Variants in AR observed in about 807,000 individuals in gnomAD.
AR encodes dihydrotestosterone receptor.
A neutral mutation model predicts 53.9 loss-of-function variants in AR; 8 were observed. The observed-to-expected ratio is 0.15, with a 90% CI of 0.09 to 0.27. The LOEUF (loss-of-function observed/expected upper bound fraction) is 0.27, where lower values mean the gene tolerates loss of function less well. Ranked by LOEUF, AR falls within the 10% of genes least tolerant of loss-of-function variation. The pLI, the probability that AR is intolerant of heterozygous loss-of-function variation, is 1.00. For missense variants in AR, 639 were observed against 742.5 expected, an observed-to-expected ratio of 0.86 and a Z score of 1.62; for synonymous variants, 359 against 316.4, an observed-to-expected ratio of 1.13 and a Z score of -1.43.
intron 3 of AR, among the ~76,000 whole-genome samples, chrX:67,689,057 G>A (rs1001938372): frequency 3.6e-5 from 4 of 111,083 alleles, no homozygotes; most frequent in Admixed American, 1.9e-4. Context: ...TGTGGCCTTG[G>A]GCAAGTCCCT....
At position 67,720,576 on chromosome X, in the gene AR, T is replaced by A. The variant is rs545012126; in HGVS notation, c.2319-1257T>A. 7.2e-5 allele frequency among the ~76,000 whole-genome samples: 8 copies of A among 111,821 alleles called. No individual in the cohort carries two copies. In the East Asian group the frequency reaches 2.0e-3, roughly 28 times the overall value. ...GAGCAACACTGTTCTGCTCAATTGA[T>A]TTGTGATACCATCTAAACACTTCCT... On this transcript the variant is annotated intron_variant, in intron 5 of 7. Transcript: ENST00000374690.
rs1196317826 is a variant in AR at position 67,729,104 on chromosome X, C to T, written c.*5263C>T. The T allele has an allele frequency of 5.7e-6, 1 of 175,947 alleles. No individual in the cohort carries two copies. Among genetic ancestry groups the T allele is most frequent in the East Asian group, 8.0e-5 (1 of 12,435 alleles). The allele number at this position is 175,947 out of a possible 1,213,427, so 14.5% of individuals were successfully genotyped here. A position where few individuals can be genotyped will look rare whatever the true frequency, so the allele number is the denominator to read the frequency against. ...GCTCTATCTTTCACACAAATTCCCTCACCTGAGATTGAGGTGCTCTTGTTA... is the reference window on the plus strand; with the variant it reads ...GCTCTATCTTTCACACAAATTCCCTTACCTGAGATTGAGGTGCTCTTGTTA... On this transcript the variant is annotated 3_prime_UTR_variant, in exon 8 of 8. Transcript: ENST00000374690.
chrX:67,650,928 A>C (rs1234691037), intron 2 of AR, among the ~76,000 whole-genome samples: 1 of 112,001 alleles, frequency 8.9e-6, no homozygotes, highest in African/African-American at 3.2e-5. Flanking sequence ...ATCCTCATGC[A>C]TTCAGTCAGT....
At chrX:67,623,487 A>G (rs1177974052) in intron 1 of AR, among the ~76,000 whole-genome samples, 1 of 111,863 alleles carries the variant, frequency 8.9e-6, no homozygotes, top group Admixed American at 9.5e-5. Context: ...GGATACAGCC[A>G]AGCTAAAGCA....
chrX:67,661,879 G>A (rs1382388509), intron 2 of AR, among the ~76,000 whole-genome samples: 1 of 111,332 alleles, frequency 9.0e-6, no homozygotes, highest in African/African-American at 3.3e-5. Context: ...GCCTGTTATT[G>A]GTCTATTCAG....
intron 1 of AR, among the ~76,000 whole-genome samples, chrX:67,624,904 CAAAAAAA>C (rs140323582): frequency 2.2e-4 from 4 of 18,181 alleles, no homozygotes; most frequent in African/African-American, 1.1e-3. Flanking sequence ...GGCAATTAGG[CAAAAAAA>C]AAAAAAAAAA....
intron 1 of AR, among the ~76,000 whole-genome samples, chrX:67,613,240 A>C (rs760014548): frequency 3.1e-4 from 35 of 112,124 alleles, no homozygotes; most frequent in Non-Finnish European, 6.0e-4. Context: ...CCACTTGTGG[A>C]ACAGGGGAGT....
intron 2 of AR, among the ~76,000 whole-genome samples, chrX:67,665,502 C>G (rs980802810): frequency 8.9e-6 from 1 of 112,153 alleles, no homozygotes. Context: ...GGGCATTAGA[C>G]ACTTTCCCAT....
At chrX:67,652,603 G>A (rs755868881) in intron 2 of AR, among the ~76,000 whole-genome samples, 7 of 111,626 alleles carry the variant, frequency 6.3e-5, no homozygotes, top group Non-Finnish European at 1.3e-4. Context: ...CTAGTTTTCT[G>A]TCTGAGAGAC....
intron 3 of AR, among the ~76,000 whole-genome samples, chrX:67,694,393 G>A (rs1266964727): frequency 1.8e-5 from 2 of 108,660 alleles, no homozygotes; most frequent in Non-Finnish European, 3.8e-5. Flanking sequence ...AGAGATGCAC[G>A]CACACATATA....
intron 1 of AR, among the ~76,000 whole-genome samples, chrX:67,573,205 C>A (rs1441325804): frequency 1.8e-5 from 2 of 111,615 alleles, no homozygotes; most frequent in Admixed American, 1.9e-4. Context: ...AAGCTCTACA[C>A]TTTTAGAGGG....
chrX:67,602,132 T>C (rs1333272010), intron 1 of AR, among the ~76,000 whole-genome samples: 1 of 112,522 alleles, frequency 8.9e-6, no homozygotes, highest in Non-Finnish European at 1.9e-5. Context: ...GTAAGTAATA[T>C]ATAATTAGAA....
intron 1 of AR, among the ~76,000 whole-genome samples, chrX:67,620,742 C>T (rs1321481012): frequency 9.0e-6 from 1 of 111,533 alleles, no homozygotes; most frequent in Non-Finnish European, 1.9e-5. Flanking sequence ...TCATTTGCCT[C>T]AACTGTAAAA....
At chrX:67,612,840 T>A (rs1323833687) in intron 1 of AR, among the ~76,000 whole-genome samples, 1 of 112,274 alleles carries the variant, frequency 8.9e-6, no homozygotes, top group Non-Finnish European at 1.9e-5. Context: ...CCTTCCCTTA[T>A]CTCCATTCTT....
intron 3 of AR, chrX:67,694,909 C>T (rs2076012891): frequency 1.9e-6 from 2 of 1,047,149 alleles, no homozygotes; most frequent in South Asian, 2.8e-5. Flanking sequence ...TGTTTTCCTA[C>T]CTCACAGGGA....
chrX:67,716,247 C>G (rs989297656), intron 4 of AR, among the ~76,000 whole-genome samples: 2 of 112,025 alleles, frequency 1.8e-5, no homozygotes, highest in African/African-American at 6.5e-5. Flanking sequence ...CATGTATATA[C>G]ATAGACTTCA....
chrX:67,669,181 A>G (rs752217324), intron 2 of AR, among the ~76,000 whole-genome samples: 5 of 111,696 alleles, frequency 4.5e-5, no homozygotes, highest in Non-Finnish European at 7.6e-5. Context: ...GCATATTGCT[A>G]TAAACTTTCA....
chrX:67,586,993 G>T (rs989096726), intron 1 of AR, among the ~76,000 whole-genome samples: 8 of 112,311 alleles, frequency 7.1e-5, no homozygotes, highest in African/African-American at 2.6e-4. Flanking sequence ...CTATAGCTCT[G>T]CCACTTATGA....
chrX:67,662,386 G>C (rs1414839736), intron 2 of AR, among the ~76,000 whole-genome samples: 1 of 110,378 alleles, frequency 9.1e-6, no homozygotes. Flanking sequence ...ATTCTGGTAT[G>C]TTGTGTCTTT....
Sources: allele counts gnomAD v4.1 joint callset (sites outside exome capture counted in the v4.1 genomes callset), GRCh38; gene constraint gnomAD v4.1.1; transcripts MANE v1.5; gene names NCBI Gene and HGNC (gene_info 2026-07-23, HGNC 2026-07-21).